The following ANKS1B variants were observed in gnomAD, a reference collection of about 807,000 sequenced individuals.
The protein encoded by ANKS1B is ankyrin repeat and sterile alpha motif domain-containing protein 1B.
Under a neutral mutation model 148.3 loss-of-function variants are expected in ANKS1B, and 36 were observed. The ratio of observed to expected loss-of-function variants is 0.24; its 90% CI spans 0.19 to 0.32. The LOEUF is 0.32. Ranked by LOEUF, ANKS1B falls within the 10% of genes least tolerant of loss-of-function variation. The probability of loss-of-function intolerance (pLI) is 1.00; values close to 1 mark genes in which losing one functional copy is unlikely to be tolerated. For synonymous variants in ANKS1B, 542 were observed against 560.8 expected, an observed-to-expected ratio of 0.97 and a Z score of 0.47; for missense variants, 1,157 against 1,542.6, an observed-to-expected ratio of 0.75 and a Z score of 4.19.
intron 1 of ANKS1B, among the ~76,000 whole-genome samples, chr12:99,970,739 T>C (rs754670518): frequency 2.0e-5 from 3 of 152,132 alleles, no homozygotes; most frequent in Non-Finnish European, 4.4e-5. Context: ...TTCTCCAACT[T>C]GTCTGGAAAA....
chr12:99,810,611 G>A (rs2068230903), intron 3 of ANKS1B, among the ~76,000 whole-genome samples: 1 of 151,850 alleles, frequency 6.6e-6, no homozygotes, highest in Non-Finnish European at 1.5e-5. Flanking sequence ...CAACAGAGGT[G>A]AACAAAGGAC....
intron 17 of ANKS1B, among the ~76,000 whole-genome samples, chr12:98,934,174 T>A (rs2099816347): frequency 6.6e-6 from 1 of 152,146 alleles, no homozygotes; most frequent in Admixed American, 6.5e-5. Flanking sequence ...AATTGATATT[T>A]TGTGTATGCC....
At chr12:99,812,348 A>C in intron 2 of ANKS1B, 37 bp from the exon 3 acceptor site, 1 of 1,595,552 alleles carries the variant, frequency 6.3e-7, no homozygotes, top group Non-Finnish European at 8.5e-7. Context: ...AAATAGGCTG[A>C]GCAAGACAAA....
At chr12:99,339,982 A>AT (rs761702376) in intron 12 of ANKS1B, among the ~76,000 whole-genome samples, 2 of 152,030 alleles carry the variant, frequency 1.3e-5, no homozygotes, top group South Asian at 2.1e-4. Context: ...TGTCTTTTAG[A>AT]TTTTTTAGTC....
chr12:98,833,716 T>C (rs889622857), intron 17 of ANKS1B, among the ~76,000 whole-genome samples: 4 of 152,160 alleles, frequency 2.6e-5, no homozygotes, highest in Non-Finnish European at 4.4e-5. Context: ...TAGTACCCAA[T>C]AGGTAGTTTC....
intron 16 of ANKS1B, among the ~76,000 whole-genome samples, chr12:99,075,830 T>C (rs1036735555): frequency 8.1e-5 from 8 of 98,352 alleles, no homozygotes; most frequent in Non-Finnish European, 1.7e-4. Flanking sequence ...TATTATCGTA[T>C]ATATAATATA....
chr12:99,309,852 T>C (rs2082895977), intron 12 of ANKS1B, among the ~76,000 whole-genome samples: 1 of 152,134 alleles, frequency 6.6e-6, no homozygotes, highest in African/African-American at 2.4e-5. Flanking sequence ...CTAAACACTA[T>C]GATGTCCTCT....
At chr12:99,207,138 T>C (rs2082770374) in intron 14 of ANKS1B, among the ~76,000 whole-genome samples, 1 of 152,224 alleles carries the variant, frequency 6.6e-6, no homozygotes. Flanking sequence ...TCTTGCATTG[T>C]GCTATTCTTT....
At position 99,394,542 on chromosome 12, in the gene ANKS1B, T is replaced by C. The variant is rs142854834; in HGVS notation, c.1756+5089A>G. 9.8e-3 allele frequency among the ~76,000 whole-genome samples: 1,484 copies of C among 151,698 alleles called. 26 individuals carry two copies. Among genetic ancestry groups the C allele is most frequent in the African/African-American group, 0.034 (1,410 of 41,420 alleles). ...AGCAGTGACCCCCCCACCCCCAATA[T>C]TGTTAAATCCATGAACCTATTCTAA... On this transcript the variant is annotated intron_variant, in intron 12 of 26. Coordinates refer to ENST00000683438, the MANE Select transcript of ANKS1B (RefSeq NM_001352186.2).
At chr12:98,822,083 A>G (rs1035844104) in intron 19 of ANKS1B, among the ~76,000 whole-genome samples, 4 of 152,252 alleles carry the variant, frequency 2.6e-5, no homozygotes, top group African/African-American at 9.6e-5. Flanking sequence ...AGAGCAATGC[A>G]GCAAAACAGC....
chr12:99,599,776 C>A (rs1390920536), intron 9 of ANKS1B, among the ~76,000 whole-genome samples: 3 of 151,884 alleles, frequency 2.0e-5, no homozygotes, highest in Non-Finnish European at 4.4e-5. Flanking sequence ...TTTGGACATG[C>A]AAATCTAGAG....
At chr12:98,980,615 G>C (rs2099908533) in intron 17 of ANKS1B, among the ~76,000 whole-genome samples, 2 of 152,040 alleles carry the variant, frequency 1.3e-5, no homozygotes, top group Admixed American at 6.5e-5. Context: ...ACATTTTCTT[G>C]TATCTTGTCT....
chr12:99,331,353 A>G (rs1355602248), intron 12 of ANKS1B, among the ~76,000 whole-genome samples: 1 of 151,970 alleles, frequency 6.6e-6, no homozygotes, highest in Non-Finnish European at 1.5e-5. Context: ...TGGCATCTCT[A>G]ATTATAAGTC....
chr12:99,394,058 T>C (rs905102033), intron 12 of ANKS1B, among the ~76,000 whole-genome samples: 10 of 152,216 alleles, frequency 6.6e-5, no homozygotes, highest in Non-Finnish European at 1.5e-4. Context: ...AGACTTTAAA[T>C]AGGCCTTTAA....
At chr12:99,116,552 CCTT>C (rs1339158100) in intron 15 of ANKS1B, among the ~76,000 whole-genome samples, 1 of 151,954 alleles carries the variant, frequency 6.6e-6, no homozygotes, top group Non-Finnish European at 1.5e-5. Context: ...GATATTTTGA[CCTT>C]CTTGGGTTAG....
At chr12:99,202,485 G>T (rs972107672) in intron 14 of ANKS1B, among the ~76,000 whole-genome samples, 1 of 152,168 alleles carries the variant, frequency 6.6e-6, no homozygotes, top group African/African-American at 2.4e-5. Context: ...GTACTTGGAC[G>T]TCAAGCAGTT....
rs1309933739 is a variant in ANKS1B, at chr12:99,712,835, A to G, written c.1129-57625T>C. ...AAAATTCTATCATGTTTCAAAACCC[A>G]GGAATAATCCTCTGTGGCTGGAGGG... is the stretch of plus-strand genomic sequence containing the variant. On this transcript the variant is annotated intron_variant, in intron 8 of 26. Transcript: ENST00000683438. Among the ~76,000 whole-genome samples the G allele has an allele frequency of 4.6e-5, 7 of 152,312 alleles. No individual in the cohort carries two copies. The South Asian group carries it at 1.0e-3, about 23-fold the overall frequency.
At chr12:99,276,156 G>A (rs1013807732) in intron 12 of ANKS1B, among the ~76,000 whole-genome samples, 65 of 152,186 alleles carry the variant, frequency 4.3e-4, no homozygotes, top group Non-Finnish European at 1.0e-4. Context: ...GACAAAGGAT[G>A]AGGTTTATTA....
intron 12 of ANKS1B, chr12:99,344,987 T>C (rs954368300): frequency 1.3e-5 from 2 of 152,062 alleles, no homozygotes; most frequent in Non-Finnish European, 2.9e-5. Flanking sequence ...CTAGAACAGA[T>C]GAAACTATTT....
Sources: gnomAD v4.1 joint callset for allele counts (sites outside exome capture counted in the v4.1 genomes callset) on GRCh38, gnomAD v4.1.1 for gene constraint, MANE v1.5 for transcripts, NCBI Gene and HGNC (gene_info 2026-07-23, HGNC 2026-07-21) for gene names.